GPC5: variants seen among roughly 807,000 people sequenced by gnomAD.
GPC5 encodes the protein glypican 5.
Under a neutral mutation model 53.9 loss-of-function variants are expected in GPC5, and 47 were observed. That is an observed-to-expected ratio of 0.87 (90% CI 0.69 to 1.11). The LOEUF (loss-of-function observed/expected upper bound fraction) is 1.11, where lower values mean the gene tolerates loss of function less well. GPC5 is among the 50% of genes most tolerant of loss of function. GPC5 has a pLI of 0.00. For missense variants in GPC5, 748 were observed against 713.1 expected, an observed-to-expected ratio of 1.05 and a Z score of -0.56; for synonymous variants, 286 against 263.3, an observed-to-expected ratio of 1.09 and a Z score of -0.84.
intron 7 of GPC5, among the ~76,000 whole-genome samples, chr13:92,497,254 C>A (rs2138924659): frequency 6.6e-6 from 1 of 152,138 alleles, no homozygotes; most frequent in Non-Finnish European, 1.5e-5. Context: ...CATTTTAAGT[C>A]TTTAATCAAT....
chr13:92,751,302 TTAAAAAAAAAAAAAAAAAA>T (rs1889386266), intron 7 of GPC5, among the ~76,000 whole-genome samples: 1 of 34,400 alleles, frequency 2.9e-5, no homozygotes, highest in East Asian at 7.0e-4. Flanking sequence ...CCAGAAACAT[TTAAAAAAAAAAAAAAAAAA>T]AAAAAAAAAA....
At chr13:91,404,834 C>T (rs965948069) in intron 1 of GPC5, among the ~76,000 whole-genome samples, 11 of 152,168 alleles carry the variant, frequency 7.2e-5, no homozygotes, top group South Asian at 2.1e-4. Flanking sequence ...AAATAACCAC[C>T]GAAATGCCTT....
At chr13:92,660,560 CT>C (rs1335395564) in intron 7 of GPC5, among the ~76,000 whole-genome samples, 1 of 143,114 alleles carries the variant, frequency 7.0e-6, no homozygotes, top group Non-Finnish European at 1.6e-5. Context: ...GTACTATTCT[CT>C]TTTCACATAT....
At chr13:92,260,703 T>C (rs1419608204) in intron 7 of GPC5, among the ~76,000 whole-genome samples, 3 of 152,178 alleles carry the variant, frequency 2.0e-5, no homozygotes, top group African/African-American at 7.2e-5. Context: ...CCCATGGTTT[T>C]AGTCCCTTTC....
At chr13:91,723,145 T>A (rs147742096) in intron 3 of GPC5, among the ~76,000 whole-genome samples, 105 of 152,264 alleles carry the variant, frequency 6.9e-4, no homozygotes, top group African/African-American at 2.2e-3. Context: ...GGGCATAATA[T>A]TTTGTAATCA....
chr13:92,685,562 T>TTTTTTTTTAA (rs1555302931), intron 7 of GPC5, among the ~76,000 whole-genome samples: 10 of 69,372 alleles, frequency 1.4e-4, no homozygotes, highest in African/African-American at 4.5e-4. Context: ...TTTTTTTAAT[T>TTTTTTTTTAA]TTTTTTTTTT....
chr13:91,650,848 T>G (rs906126298), intron 2 of GPC5, among the ~76,000 whole-genome samples: 2 of 151,602 alleles, frequency 1.3e-5, no homozygotes, highest in African/African-American at 4.9e-5. Flanking sequence ...ATTATAAAAT[T>G]TCATGGTGAA....
In GPC5 at chr13:92,311,367, A is replaced by G. The variant is rs116602977; in HGVS notation, c.1561+166378A>G. Reference sequence around the variant, plus strand: ...ATTGGGCTCATCTTCTGCTAGAGGAATTAGGTATTTAACAACTACATACAT... The same window carrying G: ...ATTGGGCTCATCTTCTGCTAGAGGAGTTAGGTATTTAACAACTACATACAT... On this transcript the variant is annotated intron_variant, in intron 7 of 7. Transcript: ENST00000377067. Among the ~76,000 whole-genome samples, 327 of 152,268 alleles carry G rather than the reference A, an allele frequency of 2.1e-3. 1 individual carries two copies. Among genetic ancestry groups the G allele is most frequent in the African/African-American group, 7.3e-3 (304 of 41,558 alleles).
At chr13:92,074,224 TA>T (rs2041235413) in intron 6 of GPC5, among the ~76,000 whole-genome samples, 1 of 152,138 alleles carries the variant, frequency 6.6e-6, no homozygotes, top group African/African-American at 2.4e-5. Flanking sequence ...TTGAGCTATG[TA>T]AACAATGGGG....
intron 6 of GPC5, among the ~76,000 whole-genome samples, chr13:92,135,202 G>T (rs987594206): frequency 5.3e-5 from 8 of 152,076 alleles, no homozygotes; most frequent in Admixed American, 5.2e-4. Context: ...TAACTCTGGA[G>T]TTGTTTTGCA....
intron 7 of GPC5, among the ~76,000 whole-genome samples, chr13:92,591,443 G>A (rs781634892): frequency 6.6e-6 from 1 of 152,140 alleles, no homozygotes; most frequent in Non-Finnish European, 1.5e-5. Context: ...TCTGCCTGGT[G>A]AAGTTTTACT....
chr13:92,576,053 T>C (rs1459995344), intron 7 of GPC5, among the ~76,000 whole-genome samples: 1 of 152,170 alleles, frequency 6.6e-6, no homozygotes, highest in Non-Finnish European at 1.5e-5. Context: ...TGTATGTGTA[T>C]GTATATATTC....
intron 6 of GPC5, among the ~76,000 whole-genome samples, chr13:92,140,267 T>G (rs2041820361): frequency 6.6e-6 from 1 of 152,188 alleles, no homozygotes; most frequent in Non-Finnish European, 1.5e-5. Flanking sequence ...GGTTCTGCAG[T>G]AGAAGCTGGG....
chr13:91,920,809 A>G lies in GPC5; in HGVS notation c.1401+12752A>G, dbSNP rs945363420. On this transcript the variant is annotated intron_variant, in intron 6 of 7. Transcript: ENST00000377067. ...GACAACTGATTTCTGATCTGAAAGC[A>G]TGTACTCAGTTAAATTATCAGCAAT... Among the ~76,000 whole-genome samples the G allele has an allele frequency of 2.6e-5, 4 of 151,950 alleles. No homozygotes were observed. In the East Asian group the frequency reaches 5.8e-4, roughly 22 times the overall value.
At chr13:91,550,395 G>A (rs116356715) in intron 2 of GPC5, among the ~76,000 whole-genome samples, 4,194 of 152,216 alleles carry the variant, frequency 0.028, 183 homozygotes, top group African/African-American at 0.093. Flanking sequence ...AGGTTCACCA[G>A]TTGTAACAAA....
At chr13:92,436,043 A>G (rs1877292210) in intron 7 of GPC5, among the ~76,000 whole-genome samples, 1 of 152,184 alleles carries the variant, frequency 6.6e-6, no homozygotes, top group African/African-American at 2.4e-5. Flanking sequence ...TTAACATCTT[A>G]CTGACTATTC....
rs184803055 is a variant in GPC5, at chr13:92,566,243, A to G, written c.1562-300039A>G. The stretch of plus-strand genomic sequence containing the variant: ...AACAGTTCAGCAGGAAGATGATCCT[A>G]TGCTCAGAAATTGTTGAATAGCTAT... On this transcript the variant is annotated intron_variant, in intron 7 of 7. Transcript: ENST00000377067. Among the ~76,000 whole-genome samples the G allele has an allele frequency of 4.9e-4, 74 of 152,268 alleles. 1 individual carries two copies. The highest frequency in any genetic ancestry group is 4.4e-3 in the Admixed American group (67 of 15,266).
chr13:91,890,442 A>T (rs927600844), intron 5 of GPC5, among the ~76,000 whole-genome samples: 1 of 152,090 alleles, frequency 6.6e-6, no homozygotes, highest in Non-Finnish European at 1.5e-5. Context: ...CAGTGCTGGG[A>T]TGAGTCTGTC....
chr13:91,811,416 A>T, intron 5 of GPC5, among the ~76,000 whole-genome samples: 1 of 151,968 alleles, frequency 6.6e-6, no homozygotes, highest in East Asian at 1.9e-4. Flanking sequence ...GTTCATTTGA[A>T]TTTTTTTCTC....
Sources: allele counts gnomAD v4.1 joint callset (sites outside exome capture counted in the v4.1 genomes callset), GRCh38; gene constraint gnomAD v4.1.1; transcripts MANE v1.5; gene names NCBI Gene and HGNC (gene_info 2026-07-23, HGNC 2026-07-21).